Variants in ADAM12 observed in about 807,000 individuals in gnomAD.
ADAM12 encodes ADAM metallopeptidase domain 12.
ADAM12 carries 70 observed loss-of-function variants against 106.4 expected under a neutral mutation model. The ratio of observed to expected loss-of-function variants is 0.66; its 90% CI spans 0.54 to 0.80. The LOEUF (loss-of-function observed/expected upper bound fraction) is 0.80. Among genes scored for constraint, ADAM12 ranks in the 30% least tolerant of loss-of-function variants. The pLI is 0.00. For missense variants in ADAM12, 1,010 were observed against 1,171.9 expected, an observed-to-expected ratio of 0.86 and a Z score of 2.02; for synonymous variants, 420 against 433.5, an observed-to-expected ratio of 0.97 and a Z score of 0.39.
intron 3 of ADAM12, among the ~76,000 whole-genome samples, chr10:126,213,174 G>A (rs925285919): frequency 6.6e-6 from 1 of 152,174 alleles, no homozygotes; most frequent in Admixed American, 6.5e-5. Flanking sequence ...AGAGGGCTTA[G>A]CTCCAAGATC....
At chr10:126,200,958 T>C (rs957186095) in intron 3 of ADAM12, among the ~76,000 whole-genome samples, 1 of 152,134 alleles carries the variant, frequency 6.6e-6, no homozygotes, top group Admixed American at 6.5e-5. Context: ...CTAGAAACAG[T>C]AGACCAGTCT....
At chr10:126,184,531 G>A (rs1957366213) in intron 3 of ADAM12, among the ~76,000 whole-genome samples, 1 of 152,116 alleles carries the variant, frequency 6.6e-6, no homozygotes, top group Non-Finnish European at 1.5e-5. Context: ...TTATGATGAA[G>A]TGGCAAAAGC....
chr10:126,117,427 C>T (rs535585263), intron 6 of ADAM12, among the ~76,000 whole-genome samples: 99 of 152,280 alleles, frequency 6.5e-4, no homozygotes, highest in African/African-American at 1.1e-3. Context: ...ACTGCTTGGA[C>T]GGTCCCAGGA....
In ADAM12 at chr10:126,108,670, C is replaced by T; in HGVS notation, c.670-6G>A. ...TCTTTTCCTTGCCTCTGAAACTTAACAATTTTAAATGGCAGCATTAATACC... is the reference window on the plus strand; with the variant it reads ...TCTTTTCCTTGCCTCTGAAACTTAATAATTTTAAATGGCAGCATTAATACC... On this transcript the variant is annotated splice_region_variant and splice_polypyrimidine_tract_variant and intron_variant, in intron 7 of 22. Transcript: ENST00000448723. 6.2e-7 allele frequency: 1 copy of T among 1,612,242 alleles called. No homozygotes were observed.
chr10:126,032,536 G>GA (rs1296441376), intron 21 of ADAM12, among the ~76,000 whole-genome samples: 2 of 152,026 alleles, frequency 1.3e-5, no homozygotes, highest in Non-Finnish European at 2.9e-5. Flanking sequence ...TGCTGGTGGA[G>GA]AAAAAAACAC....
chr10:126,061,709 A>G (rs570708981), intron 14 of ADAM12, among the ~76,000 whole-genome samples: 1 of 152,280 alleles, frequency 6.6e-6, no homozygotes, highest in Admixed American at 6.5e-5. Context: ...AGATGGAGGA[A>G]GGGGCCATGA....
At chr10:126,044,496 A>G (rs1954262917) in intron 17 of ADAM12, among the ~76,000 whole-genome samples, 2 of 152,218 alleles carry the variant, frequency 1.3e-5, no homozygotes, top group African/African-American at 4.8e-5. Flanking sequence ...GAAGTTGTTG[A>G]TGATGCATTT....
rs1198574908 is a variant in ADAM12 at position 126,038,293 on chromosome 10, C to T, written c.2297G>A (p.Gly766Asp). 1.2e-6 allele frequency: 2 copies of T among 1,611,994 alleles called. No individual in the cohort carries two copies. The highest frequency in any genetic ancestry group is 1.7e-5 in the Admixed American group (1 of 59,826). ...CCTCATCAGGCCTTTTCCAAGGTGG[C>T]CGAGGTGAGCCTGACAGGGTTGGAA... ...RGFQPCQAHLGHLGKGLMRKP... is the reference protein window; with the variant it reads ...RGFQPCQAHLDHLGKGLMRKP... Residue 766 changes from glycine (G) to aspartate (D), a missense_variant, in exon 20 of 23, where the codon GGC becomes GAC. Physicochemically the swap from Gly to Asp is moderately conservative, Grantham distance 94. Transcript: ENST00000448723.
chr10:126,122,487 T>A (rs1254892899), intron 5 of ADAM12, among the ~76,000 whole-genome samples: 2 of 152,032 alleles, frequency 1.3e-5, no homozygotes, highest in Non-Finnish European at 2.9e-5. Context: ...GGAGGCAGGG[T>A]GCGGTGGCTC....
rs145194010 is a variant in ADAM12, at chr10:126,038,794, T to C, written c.2241-445A>G. The stretch of plus-strand genomic sequence containing the variant: ...ATGTAATAAGCAGCACATTGTTGTT[T>C]GAAGGGAAGTAAAGGAGGCAGCTGA... On this transcript the variant is annotated intron_variant, in intron 19 of 22. Coordinates refer to ENST00000448723, the MANE Select transcript of ADAM12 (RefSeq NM_001288973.2). Among the ~76,000 whole-genome samples the C allele has an allele frequency of 9.1e-3, 1,385 of 152,106 alleles. 13 individuals carry two copies. Among genetic ancestry groups the C allele is most frequent in the Middle Eastern group, 0.017 (5 of 294 alleles).
At position 126,344,072 on chromosome 10, in the gene ADAM12, C is replaced by T. The variant is rs1440554802; in HGVS notation, c.89-13563G>A. Among the ~76,000 whole-genome samples, 16 of 152,114 alleles carry T rather than the reference C, an allele frequency of 1.1e-4. No homozygotes were observed. The East Asian group carries it at 2.5e-3, about 24-fold the overall frequency. On this transcript the variant is annotated intron_variant, in intron 1 of 22. Coordinates refer to ENST00000448723, the MANE Select transcript of ADAM12 (RefSeq NM_001288973.2). ...TGGCTTTTGTTGCCATTGCTTTTGGCGTTTTAGACATGAAGTCCTTGCCCA... is the reference window on the plus strand; with the variant it reads ...TGGCTTTTGTTGCCATTGCTTTTGGTGTTTTAGACATGAAGTCCTTGCCCA...
intron 3 of ADAM12, among the ~76,000 whole-genome samples, chr10:126,198,215 G>T (rs117147102): frequency 6.6e-6 from 1 of 152,218 alleles, no homozygotes; most frequent in African/African-American, 2.4e-5. Flanking sequence ...GTCAGTCACC[G>T]TTGCAGACGC....
intron 3 of ADAM12, among the ~76,000 whole-genome samples, chr10:126,243,473 C>CTG (rs1215369145): frequency 0.017 from 1,697 of 97,240 alleles, 39 homozygotes; most frequent in African/African-American, 0.069. Flanking sequence ...GGGAGCAACT[C>CTG]TGTGTGTGTG....
chr10:126,215,156 G>A (rs1957965793), intron 3 of ADAM12, among the ~76,000 whole-genome samples: 1 of 152,204 alleles, frequency 6.6e-6, no homozygotes, highest in Non-Finnish European at 1.5e-5. Flanking sequence ...GCACTCAGCT[G>A]TGGTTCTGGT....
intron 2 of ADAM12, among the ~76,000 whole-genome samples, chr10:126,286,753 G>T (rs1200988427): frequency 6.6e-6 from 1 of 152,062 alleles, no homozygotes; most frequent in East Asian, 1.9e-4. Context: ...CCTGGATTGG[G>T]GCCTGTTTGT....
intron 11 of ADAM12, among the ~76,000 whole-genome samples, chr10:126,093,368 G>A (rs574353143): frequency 9.2e-5 from 14 of 152,282 alleles, no homozygotes; most frequent in African/African-American, 2.9e-4. Flanking sequence ...ACCAAGTCGG[G>A]AGTGTCAGGA....
At chr10:126,247,763 C>T (rs542950538) in intron 3 of ADAM12, among the ~76,000 whole-genome samples, 32 of 152,288 alleles carry the variant, frequency 2.1e-4, no homozygotes, top group African/African-American at 7.0e-4. Context: ...AAATACCTCT[C>T]AAATCAGCAT....
intron 10 of ADAM12, among the ~76,000 whole-genome samples, 165 bp from the exon 11 acceptor site, chr10:126,094,298 A>G (rs1955516962): frequency 6.6e-6 from 1 of 152,284 alleles, no homozygotes; most frequent in South Asian, 2.1e-4. Context: ...ACTTAAAAAG[A>G]TATAATTTGA....
rs59840446 is a variant in ADAM12, at chr10:126,321,423, T to C, written c.186+8989A>G. Among the ~76,000 whole-genome samples, 937 of 152,232 alleles carry C rather than the reference T, an allele frequency of 6.2e-3. 12 individuals are homozygous for C. Among genetic ancestry groups the C allele is most frequent in the African/African-American group, 0.021 (870 of 41,564 alleles). On this transcript the variant is annotated intron_variant, in intron 2 of 22. Coordinates refer to ENST00000448723, the MANE Select transcript of ADAM12 (RefSeq NM_001288973.2). The stretch of plus-strand genomic sequence containing the variant: ...AATTTAAAAGTATGATATTAAGGCC[T>C]TGCTAAGAGGTCACAAGAAACAAGC...
Sources: gnomAD v4.1 joint callset for allele counts (sites outside exome capture counted in the v4.1 genomes callset) on GRCh38, gnomAD v4.1.1 for gene constraint, MANE v1.5 for transcripts, NCBI Gene and HGNC (gene_info 2026-07-23, HGNC 2026-07-21) for gene names.